CDH7: variants seen among roughly 807,000 people sequenced by gnomAD.
The protein encoded by CDH7 is cadherin 7, also known as cadherin-7.
In CDH7, 25 loss-of-function variants were observed where a neutral mutation model predicts 71.8. That is an observed-to-expected ratio of 0.35 (90% CI 0.25 to 0.49). CDH7 has a LOEUF of 0.49. Among genes scored for constraint, CDH7 ranks in the 20% least tolerant of loss-of-function variants. The pLI is 0.99. For missense variants in CDH7, 862 were observed against 974.6 expected (o/e 0.88, Z 1.54); for synonymous variants, 381 against 363.8 (o/e 1.05, Z -0.54).
intron 11 of CDH7, among the ~76,000 whole-genome samples, chr18:65,875,005 C>A (rs562138485): frequency 6.6e-6 from 1 of 152,186 alleles, no homozygotes; most frequent in African/African-American, 2.4e-5. Context: ...CACATGTGGC[C>A]CAGGATGGCT....
intron 2 of CDH7, among the ~76,000 whole-genome samples, chr18:65,776,531 A>C (rs1032720877): frequency 6.6e-6 from 1 of 152,134 alleles, no homozygotes; most frequent in Non-Finnish European, 1.5e-5. Flanking sequence ...TTCTAGTGTC[A>C]TTAGGATTCT....
chr18:65,763,139 T>A, intron 2 of CDH7, 87 bp downstream of exon 2: 2 of 698,036 alleles, frequency 2.9e-6, no homozygotes, highest in East Asian at 6.5e-5. Flanking sequence ...ATATAAAATT[T>A]ATTTTTTGCT....
At chr18:65,854,950 C>T (rs527430142) in intron 7 of CDH7, among the ~76,000 whole-genome samples, 286 of 149,370 alleles carry the variant, frequency 1.9e-3, no homozygotes, top group African/African-American at 6.4e-3. Flanking sequence ...CATATATATA[C>T]ACACACACAC....
At chr18:65,814,426 T>A (rs973416228) in intron 3 of CDH7, 59 bp from the exon 4 acceptor site, 3 of 1,587,928 alleles carry the variant, frequency 1.9e-6, no homozygotes, top group Non-Finnish European at 2.6e-6. Flanking sequence ...ATTTTGTACG[T>A]TTTTTGTTTT....
Position 65,889,558 on chromosome 18 carries a change from C to T in CDH7, c.*8664C>T, listed in dbSNP as rs1914454629. 6.6e-6 allele frequency: 1 copy of T among 152,138 alleles called. No individual in the cohort carries two copies. Among genetic ancestry groups the T allele is most frequent in the Non-Finnish European group, 1.5e-5 (1 of 68,028 alleles). The allele number at this position is 152,138 out of a possible 1,614,324, so 9.4% of individuals were successfully genotyped here. On this transcript the variant is annotated 3_prime_UTR_variant, in exon 12 of 12. Transcript: ENST00000397968. ...GGTTCATAGAAATCTCCAAGAACTT[C>T]AGATAATTCAGGTAATTATCAGAAA...
rs767791804 is a variant in CDH7 at position 65,762,780 on chromosome 18, A to G, written c.-63A>G. The G allele has an allele frequency of 3.4e-5, 48 of 1,425,416 alleles. No individual in the cohort carries two copies. The highest frequency in any genetic ancestry group is 4.3e-5 in the Non-Finnish European group (45 of 1,040,848). The allele number at this position is 1,425,416 out of a possible 1,614,324, so 88.3% of individuals were successfully genotyped here. On this transcript the variant is annotated 5_prime_UTR_variant, in exon 2 of 12. Coordinates refer to ENST00000397968, the MANE Select transcript of CDH7 (RefSeq NM_004361.5). ...AGGCAAGAGCTACTAAGCCAACTGGAACTGTGCCTTTTCTCTTGTCAAGGT... is the reference window on the plus strand; with the variant it reads ...AGGCAAGAGCTACTAAGCCAACTGGGACTGTGCCTTTTCTCTTGTCAAGGT...
At chr18:65,766,885 TAAAAAAAAAAAAAAAA>T (rs61611288) in intron 2 of CDH7, among the ~76,000 whole-genome samples, 1,179 of 88,618 alleles carry the variant, frequency 0.013, 32 homozygotes, top group African/African-American at 0.033. Flanking sequence ...CTGTCTGACG[TAAAAAAAAAAAAAAAA>T]AAAAAAAAAA....
At chr18:65,810,973 ATTTCATTTATTCAAGTAC>A (rs1157626642) in intron 3 of CDH7, among the ~76,000 whole-genome samples, 1 of 152,160 alleles carries the variant, frequency 6.6e-6, no homozygotes, top group African/African-American at 2.4e-5. Flanking sequence ...TCTCTTTTAA[ATTTCATTTATTCAAGTAC>A]TTTTGGAATA....
intron 2 of CDH7, among the ~76,000 whole-genome samples, chr18:65,802,673 C>T (rs1188925958): frequency 6.6e-6 from 1 of 152,128 alleles, no homozygotes; most frequent in African/African-American, 2.4e-5. Flanking sequence ...TTCACAATTA[C>T]ACTAAGCGAG....
intron 2 of CDH7, among the ~76,000 whole-genome samples, chr18:65,768,804 A>G (rs1056829561): frequency 3.9e-5 from 6 of 152,156 alleles, no homozygotes; most frequent in African/African-American, 1.4e-4. Flanking sequence ...TATGATTTAT[A>G]TTGATTATAT....
intron 2 of CDH7, among the ~76,000 whole-genome samples, chr18:65,787,652 C>T (rs1910564583): frequency 6.6e-6 from 1 of 152,170 alleles, no homozygotes; most frequent in African/African-American, 2.4e-5. Flanking sequence ...AAGGCAGGAA[C>T]TGCAAAGTCA....
intron 3 of CDH7, among the ~76,000 whole-genome samples, chr18:65,812,747 G>GA (rs965723002): frequency 4.6e-5 from 7 of 152,004 alleles, no homozygotes; most frequent in South Asian, 2.1e-4. Flanking sequence ...GAACTTTTCA[G>GA]AAAAAAATGT....
chr18:65,832,845 C>T (rs189864264), intron 6 of CDH7, among the ~76,000 whole-genome samples: 1 of 151,586 alleles, frequency 6.6e-6, no homozygotes, highest in Admixed American at 6.6e-5. Context: ...CTCTAATGTA[C>T]CTCAGTTTTC....
intron 10 of CDH7, among the ~76,000 whole-genome samples, chr18:65,861,806 A>C (rs180794324): frequency 7.0e-4 from 106 of 152,268 alleles, no homozygotes; most frequent in African/African-American, 2.3e-3. Flanking sequence ...AGAAAAATAG[A>C]TAAAAGCACA....
chr18:65,853,064 G>T (rs769959464), intron 7 of CDH7, among the ~76,000 whole-genome samples: 13 of 152,138 alleles, frequency 8.5e-5, no homozygotes, highest in Non-Finnish European at 1.5e-4. Flanking sequence ...AGTGGATGGG[G>T]CAGAAGCTTA....
intron 2 of CDH7, among the ~76,000 whole-genome samples, chr18:65,781,906 T>TCTC (rs1568181869): frequency 6.4e-5 from 3 of 46,772 alleles, no homozygotes; most frequent in Non-Finnish European, 1.2e-4. Context: ...CTCTCTATCT[T>TCTC]TCTCTCTTTC....
At chr18:65,854,167 A>T (rs1913263500) in intron 7 of CDH7, among the ~76,000 whole-genome samples, 1 of 151,518 alleles carries the variant, frequency 6.6e-6, no homozygotes, top group Middle Eastern at 3.2e-3. Context: ...TTAGCTTGGC[A>T]CAGTGGCCCA....
intron 1 of CDH7, 36 bp downstream of exon 1, chr18:65,751,186 C>G (rs1353177140): frequency 1.3e-5 from 2 of 152,462 alleles, no homozygotes; most frequent in African/African-American, 4.8e-5. Flanking sequence ...TGGGGAGGCG[C>G]CGCTGGGCAG....
chr18:65,811,332 AAG>A (rs1205448435), intron 3 of CDH7, among the ~76,000 whole-genome samples: 2 of 152,108 alleles, frequency 1.3e-5, no homozygotes, highest in African/African-American at 4.8e-5. Flanking sequence ...TTCCTATTAG[AAG>A]AGAGAGGGGA....
Sources: allele counts gnomAD v4.1 joint callset (sites outside exome capture counted in the v4.1 genomes callset), GRCh38; gene constraint gnomAD v4.1.1; transcripts MANE v1.5; gene names NCBI Gene and HGNC (gene_info 2026-07-23, HGNC 2026-07-21).